The following RREB1 variants were observed in gnomAD, a reference collection of about 807,000 sequenced individuals.
RREB1 encodes the protein ras-responsive element-binding protein 1.
A neutral mutation model predicts 117.8 loss-of-function variants in RREB1; 27 were observed. The ratio of observed to expected loss-of-function variants is 0.23; its 90% confidence interval spans 0.17 to 0.32. The LOEUF (loss-of-function observed/expected upper bound fraction) is 0.32. Ranked by LOEUF, RREB1 falls within the 10% of genes least tolerant of loss-of-function variation. The pLI is 1.00. For missense variants in RREB1, 2,577 were observed against 2,378.2 expected, an observed-to-expected ratio of 1.08 and a Z score of -1.74; for synonymous variants, 1,298 against 1,026.7, an observed-to-expected ratio of 1.26 and a Z score of -5.05.
chr6:7,214,295 G>C (rs1766779984), intron 8 of RREB1: 1 of 152,278 alleles, frequency 6.6e-6, no homozygotes, highest in Non-Finnish European at 1.5e-5. Context: ...CCCTGTGTTT[G>C]GTGAGGGGTT....
intron 1 of RREB1, among the ~76,000 whole-genome samples, chr6:7,162,461 C>T (rs1360062474): frequency 6.6e-6 from 1 of 152,164 alleles, no homozygotes; most frequent in Non-Finnish European, 1.5e-5. Flanking sequence ...GCCACTGCAG[C>T]TCTGGAAGTG....
intron 1 of RREB1, among the ~76,000 whole-genome samples, chr6:7,122,414 C>T (rs111622135): frequency 0.021 from 3,176 of 152,332 alleles, 106 homozygotes; most frequent in African/African-American, 0.072. Context: ...TACAGGCGGG[C>T]ACCGCCATGC....
intron 11 of RREB1, among the ~76,000 whole-genome samples, chr6:7,245,182 G>T (rs1292525272): frequency 6.6e-6 from 1 of 152,140 alleles, no homozygotes; most frequent in Non-Finnish European, 1.5e-5. Context: ...GATCGCCTGA[G>T]GTCAGGAGTT....
chr6:7,200,282 ATTT>A (rs1163811223), intron 6 of RREB1, among the ~76,000 whole-genome samples: 232 of 97,734 alleles, frequency 2.4e-3, no homozygotes, highest in Admixed American at 5.2e-3. Flanking sequence ...GTGTGTGTGT[ATTT>A]TTTTTTTTTT....
intron 5 of RREB1, among the ~76,000 whole-genome samples, chr6:7,188,520 T>G (rs977761580): frequency 2.0e-5 from 3 of 152,092 alleles, no homozygotes; most frequent in Non-Finnish European, 4.4e-5. Context: ...CTTTTTTTGC[T>G]TTTCTCCTTT....
At chr6:7,247,327 G>A in intron 12 of RREB1, 106 bp downstream of exon 12, 1 of 1,005,584 alleles carries the variant, frequency 9.9e-7, no homozygotes, top group East Asian at 2.6e-5. Context: ...GAGAACGTTT[G>A]CTTACGTTGC....
chr6:7,174,489 G>A (rs9505062), intron 1 of RREB1, among the ~76,000 whole-genome samples: 4,017 of 151,922 alleles, frequency 0.026, 167 homozygotes, highest in African/African-American at 0.09. Context: ...TAAAATGAAG[G>A]GAAATAAAAT....
intron 6 of RREB1, among the ~76,000 whole-genome samples, chr6:7,207,876 TAGAC>T (rs1275813637): frequency 6.6e-6 from 1 of 152,222 alleles, no homozygotes. Context: ...TGAGGACAGA[TAGAC>T]AGAATTTCTG....
At chr6:7,222,469 A>G (rs966237822) in intron 8 of RREB1, among the ~76,000 whole-genome samples, 5 of 152,020 alleles carry the variant, frequency 3.3e-5, no homozygotes, top group Non-Finnish European at 7.4e-5. Flanking sequence ...ACATCCCCCT[A>G]CCACCCACTG....
Position 7,230,610 on chromosome 6 carries a change from G to A in RREB1, c.2511G>A (p.Pro837=), listed in dbSNP as rs765068165. ...ACGGCCTGGGCCCCGCAGAGGCGCC[G>A]GCCGCTGAGGCGTCGGGGCGCGGGG... ...AADGLGPAEA[P]AAEASGRGED... The change falls in exon 10 of 13, where the codon CCG becomes CCA. Residue 837 remains proline (P), a synonymous_variant. Coordinates refer to ENST00000379938, the MANE Select transcript of RREB1 (RefSeq NM_001003699.4). 3.1e-5 allele frequency: 49 copies of A among 1,603,370 alleles called. No individual in the cohort carries two copies. Among genetic ancestry groups the A allele is most frequent in the Non-Finnish European group, 3.7e-5 (43 of 1,175,222 alleles).
chr6:7,210,823 A>G lies in RREB1; in HGVS notation c.445A>G (p.Lys149Glu), dbSNP rs775848952. ...TTTCAGACATATGAAGATCCATGAG[A>G]AGGACCCTAACAGTGCCACAGCCAC... is the stretch of plus-strand genomic sequence containing the variant. ...NMHRHMKIHE[K>E]DPNSATATAP... Residue 149 changes from lysine (K) to glutamate (E), a missense_variant, in exon 7 of 13, where the codon AAG becomes GAG. Coordinates refer to ENST00000379938, the MANE Select transcript of RREB1 (RefSeq NM_001003699.4). 6 of 1,613,654 alleles carry G rather than the reference A, an allele frequency of 3.7e-6. No individual in the cohort carries two copies. The highest frequency in any genetic ancestry group is 5.1e-6 in the Non-Finnish European group (6 of 1,179,762).
chr6:7,118,068 G>A (rs597318), intron 1 of RREB1, among the ~76,000 whole-genome samples: 146,498 of 152,346 alleles, frequency 0.96, 70,539 homozygotes, highest in African/African-American at 0.99. Context: ...ATATTCTAAC[G>A]TAGTTTTATT....
chr6:7,122,964 G>C (rs964916324), intron 1 of RREB1, among the ~76,000 whole-genome samples: 1 of 152,326 alleles, frequency 6.6e-6, no homozygotes, highest in Admixed American at 6.5e-5. Context: ...GTGCTGGATA[G>C]TGGTGACCAC....
At chr6:7,110,189 G>A (rs1001792139) in intron 1 of RREB1, among the ~76,000 whole-genome samples, 1 of 152,156 alleles carries the variant, frequency 6.6e-6, no homozygotes, top group Non-Finnish European at 1.5e-5. Context: ...GTGGAAGGTG[G>A]GGAAAAGAGA....
intron 1 of RREB1, among the ~76,000 whole-genome samples, chr6:7,154,606 A>G (rs1348182867): frequency 1.3e-5 from 2 of 152,200 alleles, no homozygotes; most frequent in African/African-American, 4.8e-5. Flanking sequence ...ATATGATTTC[A>G]GTATTATTAT....
intron 1 of RREB1, among the ~76,000 whole-genome samples, chr6:7,109,025 G>T (rs1760994630): frequency 6.6e-6 from 1 of 150,630 alleles, no homozygotes; most frequent in Non-Finnish European, 1.5e-5. Context: ...CCTCGCGGGC[G>T]GGGGGGGTGG....
chr6:7,211,038 G>C, intron 7 of RREB1, 90 bp downstream of exon 7: 1 of 1,295,062 alleles, frequency 7.7e-7, no homozygotes, highest in East Asian at 2.3e-5. Context: ...TGGAGACTTG[G>C]CAGACATACA....
At chr6:7,216,435 T>C (rs1026372820) in intron 8 of RREB1, 2 of 152,194 alleles carry the variant, frequency 1.3e-5, no homozygotes, top group Non-Finnish European at 2.9e-5. Flanking sequence ...TAAATCTCTG[T>C]TGGGAATTGG....
At chr6:7,132,006 A>G (rs758672368) in intron 1 of RREB1, among the ~76,000 whole-genome samples, 6 of 151,994 alleles carry the variant, frequency 3.9e-5, no homozygotes, top group Non-Finnish European at 7.4e-5. Context: ...CTACAGGCAC[A>G]TGCCACTACT....
Sources: allele counts gnomAD v4.1 joint callset (sites outside exome capture counted in the v4.1 genomes callset), GRCh38; gene constraint gnomAD v4.1.1; transcripts MANE v1.5; gene names NCBI Gene and HGNC (gene_info 2026-07-23, HGNC 2026-07-21).